Variants in GRIK3 observed in about 807,000 individuals in gnomAD.
GRIK3 encodes the protein glutamate receptor ionotropic, kainate 3.
A neutral mutation model predicts 102.5 loss-of-function variants in GRIK3; 29 were observed. The ratio of observed to expected loss-of-function variants is 0.28; its 90% CI spans 0.21 to 0.39. The LOEUF is 0.39. GRIK3 is among the 10% of genes least tolerant of loss of function. The pLI is 1.00. For missense variants in GRIK3, 908 were observed against 1,252.4 expected (o/e 0.73, Z 4.15); for synonymous variants, 511 against 504.9 (o/e 1.01, Z -0.16).
At chr1:36,994,146 G>A (rs1389899915) in intron 1 of GRIK3, among the ~76,000 whole-genome samples, 1 of 152,090 alleles carries the variant, frequency 6.6e-6, no homozygotes, top group African/African-American at 2.4e-5. Flanking sequence ...CCAGCTGTGG[G>A]GTCAACATAG....
Position 36,796,898 on chromosome 1 carries a change from A to C in GRIK3, c.*4953T>G, listed in dbSNP as rs1362689069. 1 of 152,204 alleles carries C rather than the reference A, an allele frequency of 6.6e-6. No individual in the cohort carries two copies. The highest frequency in any genetic ancestry group is 1.5e-5 in the Non-Finnish European group (1 of 68,066). 9.4% of individuals were successfully genotyped at this position (152,204 alleles called of 1,614,324 possible). On this transcript the variant is annotated 3_prime_UTR_variant, in exon 16 of 16. Transcript: ENST00000373091. ...TCTGCTCCTGATGAATTGCCCCAGAACTAGAATGTAATATTGGCACAGGGG... is the reference window on the plus strand; with the variant it reads ...TCTGCTCCTGATGAATTGCCCCAGACCTAGAATGTAATATTGGCACAGGGG...
At chr1:36,846,027 G>A (rs973564592) in intron 9 of GRIK3, among the ~76,000 whole-genome samples, 2 of 152,234 alleles carry the variant, frequency 1.3e-5, no homozygotes, top group Non-Finnish European at 2.9e-5. Flanking sequence ...CCCACACCGT[G>A]ACACCATGGC....
chr1:36,800,682 G>A lies in GRIK3; in HGVS notation c.*1169C>T, dbSNP rs1642430696. ...TTCTTTTCCTGGGGAGCATCTCTAG[G>A]TTTGGTAAGTCCAGGAGACCAGAAG... On this transcript the variant is annotated 3_prime_UTR_variant, in exon 16 of 16. Transcript: ENST00000373091. 6.6e-6 allele frequency: 1 copy of A among 152,222 alleles called. No individual in the cohort carries two copies. The highest frequency in any genetic ancestry group is 2.1e-4 in the South Asian group (1 of 4,826). 9.4% of individuals were successfully genotyped at this position (152,222 alleles called of 1,614,324 possible).
At chr1:36,874,435 G>A (rs1239840858) in intron 3 of GRIK3, among the ~76,000 whole-genome samples, 3 of 152,186 alleles carry the variant, frequency 2.0e-5, no homozygotes, top group Admixed American at 2.0e-4. Flanking sequence ...TTGGGAGACG[G>A]CTATGTAGTC....
intron 2 of GRIK3, among the ~76,000 whole-genome samples, chr1:36,882,451 A>G (rs183396547): frequency 6.6e-6 from 1 of 152,252 alleles, no homozygotes; most frequent in East Asian, 1.9e-4. Flanking sequence ...GACCTCTTAG[A>G]GTCATTCTGG....
intron 13 of GRIK3, among the ~76,000 whole-genome samples, chr1:36,812,207 C>G (rs1642570115): frequency 6.6e-6 from 1 of 152,100 alleles, no homozygotes; most frequent in African/African-American, 2.4e-5. Context: ...CAGGTGACCT[C>G]TCTGACAGCA....
At chr1:36,968,632 G>A (rs1642105918) in intron 1 of GRIK3, among the ~76,000 whole-genome samples, 1 of 152,188 alleles carries the variant, frequency 6.6e-6, no homozygotes, top group Non-Finnish European at 1.5e-5. Flanking sequence ...ACAGGAACAT[G>A]GTCACAGTTG....
At chr1:36,874,704 G>A (rs1024410489) in intron 3 of GRIK3, among the ~76,000 whole-genome samples, 3 of 152,216 alleles carry the variant, frequency 2.0e-5, no homozygotes, top group African/African-American at 7.2e-5. Flanking sequence ...TGAGACTTAT[G>A]TGCAGCATCA....
rs1016018907 is a variant in GRIK3, at chr1:36,932,899, G to A, written c.116-41803C>T. ...GCACATAAATCTATTTCAAATGCAC[G>A]TACTGGAATAATGGAGGGAGGAAGA... On this transcript the variant is annotated intron_variant, in intron 1 of 15. Transcript: ENST00000373091. Among the ~76,000 whole-genome samples the A allele has an allele frequency of 2.0e-5, 3 of 152,088 alleles. 1 individual carries two copies. The highest frequency in any genetic ancestry group is 4.4e-5 in the Non-Finnish European group (3 of 68,028).
At chr1:36,826,852 TCTGAGATTTTCCTGA>T in intron 10 of GRIK3, among the ~76,000 whole-genome samples, 1 of 152,240 alleles carries the variant, frequency 6.6e-6, no homozygotes, top group Admixed American at 6.5e-5. Flanking sequence ...AATTTTTTGG[TCTGAGATTTTCCTGA>T]TTAAAAAACT....
intron 1 of GRIK3, among the ~76,000 whole-genome samples, chr1:37,032,551 G>A (rs141942502): frequency 6.6e-6 from 1 of 152,210 alleles, no homozygotes; most frequent in African/African-American, 2.4e-5. Context: ...GCAGGCAAAG[G>A]CACAGAGATA....
chr1:36,951,560 C>T (rs3767088), intron 1 of GRIK3, among the ~76,000 whole-genome samples: 35,973 of 152,166 alleles, frequency 0.24, 5,479 homozygotes, highest in East Asian at 0.6. Context: ...CAATGCTGGT[C>T]GCATGCAGAT....
intron 1 of GRIK3, among the ~76,000 whole-genome samples, chr1:37,015,559 C>T (rs1642644915): frequency 6.6e-6 from 1 of 152,220 alleles, no homozygotes; most frequent in African/African-American, 2.4e-5. Flanking sequence ...CTGCAGCCAC[C>T]TCCTGACAAT....
chr1:36,918,090 C>T (rs1462654384), intron 1 of GRIK3, among the ~76,000 whole-genome samples: 1 of 152,224 alleles, frequency 6.6e-6, no homozygotes, highest in Non-Finnish European at 1.5e-5. Context: ...CTGTACTCCT[C>T]TAAACCCTGC....
intron 10 of GRIK3, among the ~76,000 whole-genome samples, chr1:36,826,343 G>T (rs1486111924): frequency 3.9e-5 from 6 of 152,202 alleles, no homozygotes; most frequent in African/African-American, 1.4e-4. Context: ...CCAAATGCAA[G>T]TTGGGCAAAG....
chr1:36,909,081 G>A lies in GRIK3; in HGVS notation c.116-17985C>T, dbSNP rs564273909. On this transcript the variant is annotated intron_variant, in intron 1 of 15. Coordinates refer to ENST00000373091, the MANE Select transcript of GRIK3 (RefSeq NM_000831.4). ...ACACAGGAGAAAATGGAAGTCCAGG[G>A]AAGTCAAGGATGTTGTTAAAACTAC... Among the ~76,000 whole-genome samples the A allele has an allele frequency of 8.3e-4, 127 of 152,236 alleles. 1 individual carries two copies. Among genetic ancestry groups the A allele is most frequent in the South Asian group, 2.3e-3 (11 of 4,808 alleles).
At position 36,801,995 on chromosome 1, in the gene GRIK3, G is replaced by A. The variant is rs1366521867; in HGVS notation, c.2616C>T (p.Cys872=). Residue 872 remains cysteine (C), a synonymous_variant, in exon 16 of 16, where the codon TGC becomes TGT. Coordinates refer to ENST00000373091, the MANE Select transcript of GRIK3 (RefSeq NM_000831.4). ...VADEIRFSLT[C]QRRVKHKPQP... ...GAGGCTTGTGCTTGACTCGACGCTG[G>A]CAGGTAAGGGAGAAACGGATCTCAT... The A allele has an allele frequency of 2.5e-6, 4 of 1,613,788 alleles. No homozygotes were observed. Among genetic ancestry groups the A allele is most frequent in the African/African-American group, 1.3e-5 (1 of 74,938 alleles).
At position 37,004,210 on chromosome 1, in the gene GRIK3, C is replaced by A. The variant is rs186877922; in HGVS notation, c.115+29784G>T. 1.7e-4 allele frequency among the ~76,000 whole-genome samples: 26 copies of A among 152,258 alleles called. 1 individual carries two copies. The East Asian group carries it at 3.3e-3, about 19-fold the overall frequency. ...GATCTAATCCCTGCTCCAGAGCCCA[C>A]CCTCCGAGGGGGCTCGGACAAGCCA... On this transcript the variant is annotated intron_variant, in intron 1 of 15. Transcript: ENST00000373091.
chr1:36,798,222 C>T lies in GRIK3; in HGVS notation c.*3629G>A, dbSNP rs1472105478. 2.0e-5 allele frequency: 3 copies of T among 152,298 alleles called. No individual in the cohort carries two copies. The highest frequency in any genetic ancestry group is 4.4e-5 in the Non-Finnish European group (3 of 68,090). 9.4% of individuals were successfully genotyped at this position (152,298 alleles called of 1,614,324 possible). A position where few individuals can be genotyped will look rare whatever the true frequency, so the allele number is the denominator to read the frequency against. On this transcript the variant is annotated 3_prime_UTR_variant, in exon 16 of 16. Transcript: ENST00000373091. Reference sequence around the variant, plus strand: ...ACTGTCCTTAGTCCCAGGGCCTCGGCAGGGGCGGTGGGGTTGGTGTCTTCT... The same window carrying T: ...ACTGTCCTTAGTCCCAGGGCCTCGGTAGGGGCGGTGGGGTTGGTGTCTTCT...
Sources: gnomAD v4.1 joint callset for allele counts (sites outside exome capture counted in the v4.1 genomes callset) on GRCh38, gnomAD v4.1.1 for gene constraint, MANE v1.5 for transcripts, NCBI Gene and HGNC (gene_info 2026-07-23, HGNC 2026-07-21) for gene names.